Variants in CD55 observed in about 807,000 individuals in gnomAD.
CD55 encodes CD55 molecule (Cromer blood group), also known as complement decay-accelerating factor.
CD55 carries 41 observed loss-of-function variants against 45.8 expected under a neutral mutation model. That is an observed-to-expected ratio of 0.90 (90% CI 0.70 to 1.16). CD55 has a LOEUF of 1.16. Ranked by LOEUF, CD55 falls within the 50% of genes most tolerant of loss-of-function variation. The pLI, the probability that CD55 is intolerant of heterozygous loss-of-function variation, is 0.00. For synonymous variants in CD55, 181 were observed against 181.1 expected, an observed-to-expected ratio of 1.00 and a Z score of 0.01; for missense variants, 416 against 469.8, an observed-to-expected ratio of 0.89 and a Z score of 1.06.
At chr1:207,328,410 C>T (rs1654782815) in intron 5 of CD55, among the ~76,000 whole-genome samples, 1 of 152,206 alleles carries the variant, frequency 6.6e-6, no homozygotes, top group Non-Finnish European at 1.5e-5. Context: ...AATTCTTAAA[C>T]AATGTACTGC....
intron 6 of CD55, among the ~76,000 whole-genome samples, chr1:207,335,319 G>C (rs1336323300): frequency 6.6e-6 from 1 of 152,152 alleles, no homozygotes; most frequent in Non-Finnish European, 1.5e-5. Flanking sequence ...TGACAGGTAT[G>C]TTTTTTCAAG....
chr1:207,321,787 G>T lies in CD55; in HGVS notation c.22G>T (p.Val8Leu). Residue 8 changes from valine (V) to leucine (L), a missense_variant, in exon 1 of 10, where the codon GTG becomes TTG. Physicochemically the swap from Val to Leu is conservative, Grantham distance 32. Transcript: ENST00000367064. MTVARPS[V>L]PAALPLLGEL... ...CGCCATGACCGTCGCGCGGCCGAGC[G>T]TGCCCGCGGCGCTGCCCCTCCTCGG... 6.6e-7 allele frequency: 1 copy of T among 1,521,886 alleles called. No individual in the cohort carries two copies. Among genetic ancestry groups the T allele is most frequent in the Non-Finnish European group, 8.8e-7 (1 of 1,140,950 alleles). 94.3% of individuals were successfully genotyped at this position (1,521,886 alleles called of 1,614,324 possible). A position where few individuals can be genotyped will look rare whatever the true frequency, so the allele number is the denominator to read the frequency against.
At chr1:207,350,800 C>T (rs1414877202) in intron 9 of CD55, among the ~76,000 whole-genome samples, 1 of 151,966 alleles carries the variant, frequency 6.6e-6, no homozygotes, top group East Asian at 1.9e-4. Context: ...AAAAAACCAG[C>T]TTTGGTTTTG....
intron 9 of CD55, among the ~76,000 whole-genome samples, chr1:207,356,025 T>G (rs989906803): frequency 1.3e-5 from 2 of 152,184 alleles, no homozygotes; most frequent in East Asian, 3.8e-4. Flanking sequence ...CAAAATGCAA[T>G]TAATATCTCC....
rs981330932 is a variant in CD55 at position 207,332,811 on chromosome 1, G to A, written c.853+1515G>A. Among the ~76,000 whole-genome samples the A allele has an allele frequency of 3.3e-5, 5 of 152,156 alleles. No homozygotes were observed. In the East Asian group the frequency reaches 5.8e-4, roughly 18 times the overall value. ...ATTTTTTAAGGCATAAGATACAGCT[G>A]TGGAAGCAACAAGGTCTGAATGAAC... On this transcript the variant is annotated intron_variant, in intron 6 of 9. Coordinates refer to ENST00000367064, the MANE Select transcript of CD55 (RefSeq NM_000574.5).
rs28371654 is a variant in CD55 at position 207,360,024 on chromosome 1, A to G, written c.*414A>G. 1,081 of 154,168 alleles carry G rather than the reference A, an allele frequency of 7.0e-3. 14 individuals carry two copies. The highest frequency in any genetic ancestry group is 0.025 in the African/African-American group (1,024 of 41,630). 9.6% of individuals were successfully genotyped at this position (154,168 alleles called of 1,614,324 possible). On this transcript the variant is annotated 3_prime_UTR_variant, in exon 10 of 10. Transcript: ENST00000367064. ...GATATCAAAAGCAAATAAAAACCCA[A>G]TTCAGTCTCTTCTAAGCAAAATTGC... is the stretch of plus-strand genomic sequence containing the variant.
At chr1:207,349,123 G>C (rs1655763010) in intron 9 of CD55, among the ~76,000 whole-genome samples, 1 of 152,022 alleles carries the variant, frequency 6.6e-6, no homozygotes, top group African/African-American at 2.4e-5. Context: ...TAGTTTGATA[G>C]GAATAGCATT....
chr1:207,326,803 T>C lies in CD55; in HGVS notation c.630T>C (p.Ser210=). 1 of 1,613,912 alleles carries C rather than the reference T, an allele frequency of 6.2e-7. No individual in the cohort carries two copies. The highest frequency in any genetic ancestry group is 1.1e-5 in the South Asian group (1 of 91,086). ...GTTTTTGTCTTATTTCAGGCAGCTC[T>C]GTCCAGTGGAGTGACCCGTTGCCAG... The part of the protein sequence containing the change: ...TSSFCLISGS[S]VQWSDPLPEC... The change falls in exon 5 of 10, where the codon TCT becomes TCC. Residue 210 remains serine, a synonymous_variant. Coordinates refer to ENST00000367064, the MANE Select transcript of CD55 (RefSeq NM_000574.5).
intron 9 of CD55, among the ~76,000 whole-genome samples, chr1:207,353,040 GTTTT>G (rs386369456): frequency 3.2e-4 from 15 of 47,412 alleles, no homozygotes; most frequent in African/African-American, 1.2e-3. Flanking sequence ...CTATTACCAG[GTTTT>G]TTTTTTTTTT....
intron 6 of CD55, among the ~76,000 whole-genome samples, chr1:207,334,017 A>C (rs1353285802): frequency 6.6e-6 from 1 of 152,188 alleles, no homozygotes; most frequent in African/African-American, 2.4e-5. Flanking sequence ...AGAATTTTCC[A>C]AAACTGATAA....
rs1361503712 is a variant in CD55 at position 207,340,640 on chromosome 1, T to C, written c.1081+1223T>C. ...TTCCGGCCTCCCAAAACGTTGCGAT[T>C]ATAAGTGTGAGCCACTGCACCTGGC... is the stretch of plus-strand genomic sequence containing the variant. On this transcript the variant is annotated intron_variant, in intron 9 of 9. Transcript: ENST00000367064. 4 of 659,550 alleles carry C rather than the reference T, an allele frequency of 6.1e-6. No homozygotes were observed. The Admixed American group carries it at 8.7e-5, about 14-fold the overall frequency. 40.9% of individuals were successfully genotyped at this position (659,550 alleles called of 1,614,324 possible).
intron 8 of CD55, chr1:207,337,618 A>C: frequency 2.4e-6 from 1 of 412,680 alleles, no homozygotes; most frequent in Admixed American, 4.4e-5. Flanking sequence ...AATAGAGAAA[A>C]AGACTGTGGC....
chr1:207,337,024 T>G lies in CD55; in HGVS notation c.979+206T>G. ...GACACACCATAGTAAATGTTTCAGC[T>G]ACAGGAACCCTACCAACTCTTCAGA... On this transcript the variant is annotated intron_variant, in intron 7 of 9. Transcript: ENST00000367064. 1.2e-5 allele frequency: 8 copies of G among 642,044 alleles called. No individual in the cohort carries two copies. In the Middle Eastern group the frequency reaches 7.5e-4, roughly 60 times the overall value. The allele number at this position is 642,044 out of a possible 1,614,324, so 39.8% of individuals were successfully genotyped here.
intron 6 of CD55, among the ~76,000 whole-genome samples, chr1:207,333,814 T>C (rs1655052932): frequency 6.6e-6 from 1 of 152,124 alleles, no homozygotes; most frequent in Admixed American, 6.6e-5. Context: ...GAAAGATCGG[T>C]TAAAAATACC....
intron 9 of CD55, among the ~76,000 whole-genome samples, chr1:207,345,843 TATC>T (rs1417044739): frequency 6.6e-6 from 1 of 152,220 alleles, no homozygotes; most frequent in Non-Finnish European, 1.5e-5. Flanking sequence ...CAGCTGTAAA[TATC>T]ATCAGTGGTA....
intron 1 of CD55, 145 bp from the exon 2 acceptor site, chr1:207,322,237 G>A: frequency 1.3e-6 from 1 of 770,994 alleles, no homozygotes; most frequent in East Asian, 2.6e-5. Flanking sequence ...TCTCGACAGA[G>A]TCCAGCCGTG....
At chr1:207,326,726 T>G in intron 4 of CD55, 26 bp from the exon 5 acceptor site, 1 of 1,562,494 alleles carries the variant, frequency 6.4e-7, no homozygotes, top group Non-Finnish European at 8.8e-7. Flanking sequence ...TGTAACAAAC[T>G]CTTTTTTCTT....
intron 2 of CD55, among the ~76,000 whole-genome samples, chr1:207,323,139 A>G (rs28371592): frequency 2.0e-5 from 3 of 151,548 alleles, no homozygotes; most frequent in Non-Finnish European, 4.4e-5. Context: ...GAAAAAATAT[A>G]TGTATATATA....
chr1:207,340,905 C>G (rs1285810403), intron 9 of CD55: 2 of 301,908 alleles, frequency 6.6e-6, no homozygotes, highest in Non-Finnish European at 1.2e-5. Context: ...AATTTACATT[C>G]TCACCAACAG....
Sources: gnomAD v4.1 joint callset for allele counts (sites outside exome capture counted in the v4.1 genomes callset) on GRCh38, gnomAD v4.1.1 for gene constraint, MANE v1.5 for transcripts, NCBI Gene and HGNC (gene_info 2026-07-23, HGNC 2026-07-21) for gene names.